SLC13A4: variants seen among roughly 807,000 people sequenced by gnomAD.
The protein encoded by SLC13A4 is solute carrier family 13 member 4.
SLC13A4 carries 28 observed loss-of-function variants against 72.7 expected under a neutral mutation model. The ratio of observed to expected loss-of-function variants is 0.39; its 90% CI spans 0.29 to 0.53. SLC13A4 has a LOEUF of 0.53. Among genes scored for constraint, SLC13A4 ranks in the 20% least tolerant of loss-of-function variants. The pLI, the probability that SLC13A4 is intolerant of heterozygous loss-of-function variation, is 0.78. For missense variants in SLC13A4, 653 were observed against 788.0 expected (o/e 0.83, Z 2.05); for synonymous variants, 312 against 325.5 (o/e 0.96, Z 0.45).
intron 1 of SLC13A4, among the ~76,000 whole-genome samples, chr7:135,726,497 T>G (rs1171872226): frequency 1.3e-5 from 2 of 152,190 alleles, no homozygotes; most frequent in African/African-American, 4.8e-5. Flanking sequence ...TTTAGCTTAT[T>G]TTTCCTAAAG....
intron 13 of SLC13A4, among the ~76,000 whole-genome samples, chr7:135,686,198 G>A (rs910106006): frequency 2.8e-4 from 42 of 152,178 alleles, no homozygotes; most frequent in Non-Finnish European, 5.0e-4. Flanking sequence ...AGATGAACAG[G>A]CAGGGCTGAG....
In SLC13A4 at chr7:135,705,646, C is replaced by T. The variant is rs1796143891; in HGVS notation, c.543G>A (p.Leu181=). 6.2e-7 allele frequency: 1 copy of T among 1,613,898 alleles called. No individual in the cohort carries two copies. The highest frequency in any genetic ancestry group is 1.7e-5 in the Admixed American group (1 of 60,002). The change falls in exon 5 of 16, where the codon CTG becomes CTA. Residue 181 remains leucine (L), a synonymous_variant. Coordinates refer to ENST00000682651, the MANE Select transcript of SLC13A4 (RefSeq NM_001318192.2). The part of the protein sequence containing the change: ...SNTEEAEPIS[L]DVKNSQPSLE... ...GAGAAGGTTGGCTGTTCTTTACATC[C>T]AGACCTATGAGTAGCAAAGAAAAGC...
chr7:135,700,415 G>A (rs61271554), intron 7 of SLC13A4, among the ~76,000 whole-genome samples: 4,218 of 152,200 alleles, frequency 0.028, 196 homozygotes, highest in African/African-American at 0.096. Flanking sequence ...CAGCAAGTCA[G>A]GTCATGAAAG....
chr7:135,703,135 A>G, intron 5 of SLC13A4: 1 of 535,974 alleles, frequency 1.9e-6, no homozygotes. Context: ...CAATCGTCCT[A>G]ACAGCAGATG....
intron 1 of SLC13A4, 44 bp downstream of exon 1, chr7:135,727,354 C>T (rs1260383911): frequency 6.5e-7 from 1 of 1,540,388 alleles, no homozygotes; most frequent in Non-Finnish European, 8.8e-7. Flanking sequence ...TCTTTGCCCT[C>T]CCACTGACTC....
chr7:135,701,830 C>T, intron 6 of SLC13A4, 70 bp from the exon 7 acceptor site: 1 of 1,481,842 alleles, frequency 6.7e-7, no homozygotes, highest in Non-Finnish European at 9.4e-7. Flanking sequence ...AGAAGGACCA[C>T]CTAGTCATCC....
chr7:135,685,309 C>T (rs912854398), intron 14 of SLC13A4, among the ~76,000 whole-genome samples: 2 of 151,612 alleles, frequency 1.3e-5, no homozygotes, highest in African/African-American at 4.8e-5. Flanking sequence ...GTTTCTAGAA[C>T]TCTTGCTATG....
intron 8 of SLC13A4, among the ~76,000 whole-genome samples, chr7:135,699,101 C>T (rs896572578): frequency 6.6e-6 from 1 of 152,010 alleles, no homozygotes; most frequent in African/African-American, 2.4e-5. Flanking sequence ...TCACCATGCT[C>T]AGCTAATTTT....
chr7:135,709,961 T>G (rs1023496672), intron 2 of SLC13A4, among the ~76,000 whole-genome samples: 1 of 152,230 alleles, frequency 6.6e-6, no homozygotes, highest in Non-Finnish European at 1.5e-5. Flanking sequence ...ATGGTTCCCT[T>G]CTATATATCT....
chr7:135,710,016 A>G (rs1193134984), intron 2 of SLC13A4, among the ~76,000 whole-genome samples: 1 of 152,224 alleles, frequency 6.6e-6, no homozygotes, highest in East Asian at 1.9e-4. Context: ...CTCAATAAAT[A>G]TTTGTCACAT....
Position 135,699,515 on chromosome 7 carries a change from T to C in SLC13A4, c.748A>G (p.Lys250Glu), listed in dbSNP as rs1313978970. Residue 250 changes from lysine to glutamate, a missense_variant, in exon 8 of 16, where the codon AAG becomes GAG. Coordinates refer to ENST00000682651, the MANE Select transcript of SLC13A4 (RefSeq NM_001318192.2). ...CTGTACTTTCTGTTCAGCTTCTGCT[T>C]CCTGGGGCTGGGGGTCAGGACTTGT... ...KPQVLTPSPR[K>E]QKLNRKYRSH... 1 of 1,610,208 alleles carries C rather than the reference T, an allele frequency of 6.2e-7. No individual in the cohort carries two copies. Among genetic ancestry groups the C allele is most frequent in the African/African-American group, 1.3e-5 (1 of 74,842 alleles).
intron 8 of SLC13A4, 109 bp downstream of exon 8, chr7:135,699,255 C>G: frequency 1.8e-6 from 2 of 1,141,132 alleles, no homozygotes; most frequent in Non-Finnish European, 2.4e-6. Flanking sequence ...TTCCCTCTTT[C>G]TACGGAAACT....
At chr7:135,713,932 G>C (rs1468034415) in intron 2 of SLC13A4, among the ~76,000 whole-genome samples, 1 of 152,188 alleles carries the variant, frequency 6.6e-6, no homozygotes, top group African/African-American at 2.4e-5. Flanking sequence ...TACCTGGCCT[G>C]GCTCCCGCTC....
chr7:135,722,546 G>C (rs1205960673), intron 1 of SLC13A4, among the ~76,000 whole-genome samples: 3 of 151,362 alleles, frequency 2.0e-5, no homozygotes, highest in Non-Finnish European at 4.4e-5. Flanking sequence ...AAATGGAGTA[G>C]CTTTGTTCTC....
At chr7:135,713,215 G>A (rs1325300586) in intron 2 of SLC13A4, among the ~76,000 whole-genome samples, 1 of 152,234 alleles carries the variant, frequency 6.6e-6, no homozygotes, top group Non-Finnish European at 1.5e-5. Context: ...CTCCCCAGGA[G>A]TAAAGTGCAT....
At chr7:135,715,158 TGA>T (rs138920259) in intron 2 of SLC13A4, among the ~76,000 whole-genome samples, 4,054 of 151,818 alleles carry the variant, frequency 0.027, 80 homozygotes, top group Middle Eastern at 0.041. Flanking sequence ...TATGAGTGTG[TGA>T]GAGTATATAT....
intron 3 of SLC13A4, among the ~76,000 whole-genome samples, chr7:135,706,682 C>T (rs1796170934): frequency 6.6e-6 from 1 of 152,162 alleles, no homozygotes; most frequent in Non-Finnish European, 1.5e-5. Flanking sequence ...ACTTTGTTTG[C>T]CCTCGCAGCC....
At chr7:135,682,129 T>C (rs1584711300) in intron 15 of SLC13A4, among the ~76,000 whole-genome samples, 1 of 152,246 alleles carries the variant, frequency 6.6e-6, no homozygotes. Flanking sequence ...CCTTTGCTAC[T>C]GTTACCTTTT....
chr7:135,695,329 G>C, intron 9 of SLC13A4, 39 bp downstream of exon 9: 1 of 1,612,012 alleles, frequency 6.2e-7, no homozygotes, highest in Non-Finnish European at 8.5e-7. Context: ...GATCAACAGG[G>C]GGGCTTCAGT....
Sources: gnomAD v4.1 joint callset for allele counts (sites outside exome capture counted in the v4.1 genomes callset) on GRCh38, gnomAD v4.1.1 for gene constraint, MANE v1.5 for transcripts, NCBI Gene and HGNC (gene_info 2026-07-23, HGNC 2026-07-21) for gene names.